The following PHF8 variants were observed in gnomAD, a reference collection of about 807,000 sequenced individuals.
PHF8 encodes histone lysine demethylase PHF8.
In PHF8, 9 loss-of-function variants were observed where a neutral mutation model predicts 74.4. The observed-to-expected ratio is 0.12, with a 90% CI of 0.07 to 0.21. The LOEUF (loss-of-function observed/expected upper bound fraction) is 0.21. Among genes scored for constraint, PHF8 ranks in the 10% least tolerant of loss-of-function variants. The pLI is 1.00. For synonymous variants in PHF8, 311 were observed against 316.6 expected (o/e 0.98, Z 0.19); for missense variants, 478 against 816.6 (o/e 0.59, Z 5.05).
At chrX:54,044,744 C>T, upstream of PHF8, 3 of 527,360 alleles carry the variant, frequency 5.7e-6, no homozygotes, top group East Asian at 8.1e-5. Context: ...GTTCAGCTAC[C>T]CCGACTCGCA....
rs990848459 is a variant in PHF8, at chrX:53,937,971, G to A, written c.*1187C>T. ...GGGGAAGGGGAGGATCGGATGGATG[G>A]TCTGCTCCTTCACGGATGGGCGTCT... On this transcript the variant is annotated 3_prime_UTR_variant, in exon 22 of 22. Coordinates refer to ENST00000338154, the MANE Select transcript of PHF8 (RefSeq NM_015107.3). The A allele has an allele frequency of 3.1e-5, 35 of 1,146,168 alleles. No homozygotes were observed. Among genetic ancestry groups the A allele is most frequent in the Non-Finnish European group, 4.1e-5 (35 of 857,221 alleles). 94.5% of individuals were successfully genotyped at this position (1,146,168 alleles called of 1,213,427 possible).
intron 2 of PHF8, among the ~76,000 whole-genome samples, chrX:54,032,502 A>G (rs1183324294): frequency 9.0e-6 from 1 of 110,530 alleles, no homozygotes. Flanking sequence ...ACTTACCAGC[A>G]TGGTTCCCTT....
chrX:54,034,692 C>T (rs1362351592), intron 2 of PHF8, among the ~76,000 whole-genome samples: 4 of 109,988 alleles, frequency 3.6e-5, no homozygotes, highest in African/African-American at 6.6e-5. Flanking sequence ...GGCGTGGTGG[C>T]GGGCGCCTGT....
Position 54,022,912 on chromosome X carries a change from C to G in PHF8, c.99-69G>C. ...TTTATGAGGTCTAGAACAGTGCTGT[C>G]CAGTAGAACAGCTATTAAGTACATG... On this transcript the variant is annotated intron_variant, in intron 2 of 21. Transcript: ENST00000338154. 3 of 600,731 alleles carry G rather than the reference C, an allele frequency of 5.0e-6. No homozygotes were observed. In the South Asian group the frequency reaches 7.2e-5, roughly 14 times the overall value. 49.5% of individuals were successfully genotyped at this position (600,731 alleles called of 1,213,427 possible).
At chrX:54,025,470 C>T (rs1439511991) in intron 2 of PHF8, among the ~76,000 whole-genome samples, 2 of 110,333 alleles carry the variant, frequency 1.8e-5, no homozygotes, top group African/African-American at 3.3e-5. Flanking sequence ...CTTCCTACTC[C>T]TCTTCATCAC....
chrX:53,949,876 C>A (rs2064896354), intron 19 of PHF8, among the ~76,000 whole-genome samples: 1 of 105,346 alleles, frequency 9.5e-6, no homozygotes, highest in African/African-American at 3.5e-5. Flanking sequence ...ATAATGGCAC[C>A]GTGGTTATGG....
chrX:54,029,992 T>C (rs926859645), intron 2 of PHF8, among the ~76,000 whole-genome samples: 1 of 110,867 alleles, frequency 9.0e-6, no homozygotes, highest in Non-Finnish European at 1.9e-5. Context: ...GGTGCCATAC[T>C]CTGTCTAGCT....
intron 18 of PHF8, among the ~76,000 whole-genome samples, chrX:53,980,482 GCACCTTGATCTT>G (rs2065463001): frequency 9.0e-6 from 1 of 111,143 alleles, no homozygotes; most frequent in South Asian, 3.8e-4. Context: ...AACTCTGCCA[GCACCTTGATCTT>G]CAACTTTCAG....
intron 8 of PHF8, among the ~76,000 whole-genome samples, chrX:54,004,923 CA>C (rs5902520): frequency 0.27 from 24,527 of 91,659 alleles, 6,967 homozygotes; most frequent in African/African-American, 0.81. Flanking sequence ...AACTCTGTGT[CA>C]AAAAAAAAAA....
chrX:53,940,594 T>C (rs1462728491), intron 20 of PHF8, 78 bp from the exon 21 acceptor site: 11 of 711,996 alleles, frequency 1.5e-5, no homozygotes, highest in African/African-American at 4.2e-5. Context: ...AACTAGACAA[T>C]GTCCAATATG....
intron 20 of PHF8, chrX:53,942,643 A>G: frequency 4.2e-6 from 3 of 710,833 alleles, no homozygotes; most frequent in African/African-American, 2.5e-5. Context: ...AATAAGAAAC[A>G]CCAAAACATA....
At chrX:53,973,039 C>T (rs1057133449) in intron 18 of PHF8, among the ~76,000 whole-genome samples, 3 of 111,450 alleles carry the variant, frequency 2.7e-5, no homozygotes, top group Non-Finnish European at 5.6e-5. Flanking sequence ...AATGAACTCC[C>T]ATTCACAATT....
chrX:53,956,676 G>A (rs930642371), intron 19 of PHF8, among the ~76,000 whole-genome samples: 6 of 64,617 alleles, frequency 9.3e-5, no homozygotes, highest in South Asian at 1.1e-3. Context: ...AAATATGTGC[G>A]TGTGTGTGTG....
intron 18 of PHF8, among the ~76,000 whole-genome samples, chrX:53,974,453 G>C (rs782409382): frequency 8.9e-6 from 1 of 112,090 alleles, no homozygotes; most frequent in Admixed American, 9.5e-5. Flanking sequence ...CTTTTACACT[G>C]TTGGTGAGAG....
chrX:54,026,231 A>T (rs149663785), intron 2 of PHF8, among the ~76,000 whole-genome samples: 1 of 109,096 alleles, frequency 9.2e-6, no homozygotes, highest in African/African-American at 3.3e-5. Context: ...GTGGGCGCCT[A>T]TAATTCCAGC....
At chrX:53,944,414 A>C in intron 19 of PHF8, 171 bp from the exon 20 acceptor site, 1 of 447,722 alleles carries the variant, frequency 2.2e-6, no homozygotes, top group Non-Finnish European at 3.9e-6. Context: ...ACCAATGCTC[A>C]AAGCACACAC....
intron 2 of PHF8, among the ~76,000 whole-genome samples, chrX:54,037,372 C>T (rs2066482061): frequency 9.0e-6 from 1 of 111,361 alleles, no homozygotes; most frequent in Admixed American, 9.6e-5. Context: ...CTCAGCCTCC[C>T]GGGCAGCTGG....
Position 54,042,656 on chromosome X carries a change from T to C in PHF8, c.73A>G (p.Met25Val). 1 of 1,210,865 alleles carries C rather than the reference T, an allele frequency of 8.3e-7. No homozygotes were observed. Among genetic ancestry groups the C allele is most frequent in the Non-Finnish European group, 1.1e-6 (1 of 895,048 alleles). ...CTGCCATGAAACCAGTCCTGGCACA[T>C]GTCACACTCGATCATGAAGCGGGTC... ...DVTRFMIECDMCQDWFHGSCV... is the reference protein window; with the variant it reads ...DVTRFMIECDVCQDWFHGSCV... The change falls in exon 2 of 22, where the codon ATG (methionine) becomes GTG (valine). Residue 25 changes from methionine to valine, a missense_variant. This residue lies in a region of PHF8 where 15 missense variants were observed against 50.6 expected (regional missense o/e 0.30). Coordinates refer to ENST00000338154, the MANE Select transcript of PHF8 (RefSeq NM_015107.3).
chrX:53,970,997 TGATA>T (rs2065283288), intron 18 of PHF8, among the ~76,000 whole-genome samples: 1 of 111,693 alleles, frequency 9.0e-6, no homozygotes, highest in Admixed American at 9.6e-5. Flanking sequence ...CAAGTGGACC[TGATA>T]GATATCTACA....
Sources: gnomAD v4.1 joint callset for allele counts (sites outside exome capture counted in the v4.1 genomes callset) on GRCh38, gnomAD v4.1.1 for gene constraint, gnomAD v4.1.1 regional missense constraint, MANE v1.5 for transcripts, NCBI Gene and HGNC (gene_info 2026-07-23, HGNC 2026-07-21) for gene names.